Variants in ZNF385D observed in about 807,000 individuals in gnomAD.
ZNF385D encodes the protein zinc finger protein 659.
A neutral mutation model predicts 35.8 loss-of-function variants in ZNF385D; 15 were observed. The observed-to-expected ratio is 0.42, with a 90% CI of 0.28 to 0.64. The LOEUF is 0.64. ZNF385D is among the 30% of genes least tolerant of loss of function. ZNF385D has a pLI of 0.23. For missense variants in ZNF385D, 474 were observed against 494.6 expected (o/e 0.96, Z 0.39); for synonymous variants, 212 against 186.8 (o/e 1.13, Z -1.10).
At chr3:21,833,112 G>C (rs974339381) in intron 3 of ZNF385D, among the ~76,000 whole-genome samples, 1 of 152,032 alleles carries the variant, frequency 6.6e-6, no homozygotes, top group Non-Finnish European at 1.5e-5. Context: ...AGTACCTACT[G>C]TACCAGATAC....
intron 3 of ZNF385D, among the ~76,000 whole-genome samples, chr3:21,956,975 G>A (rs1215053430): frequency 3.9e-5 from 6 of 151,984 alleles, no homozygotes; most frequent in African/African-American, 7.2e-5. Flanking sequence ...ATTCCGACGT[G>A]TTGTGGGAGG....
intron 2 of ZNF385D, among the ~76,000 whole-genome samples, chr3:21,651,267 G>A (rs1330708980): frequency 4.6e-5 from 6 of 130,824 alleles, no homozygotes; most frequent in South Asian, 2.5e-4. Context: ...CAGCCTGGGC[G>A]ACAGAGCGAG....
At chr3:21,545,990 A>G (rs1051840392) in intron 3 of ZNF385D, among the ~76,000 whole-genome samples, 1 of 152,210 alleles carries the variant, frequency 6.6e-6, no homozygotes. Context: ...GCCTTTGTAG[A>G]AATAATTATT....
At chr3:22,215,925 T>C (rs1487365096) in intron 2 of ZNF385D, among the ~76,000 whole-genome samples, 2 of 152,002 alleles carry the variant, frequency 1.3e-5, no homozygotes, top group African/African-American at 2.4e-5. Flanking sequence ...ACTTAAGGAA[T>C]ATAGAAAAGA....
intron 1 of ZNF385D, among the ~76,000 whole-genome samples, chr3:21,750,643 T>C (rs528236819): frequency 7.2e-5 from 11 of 152,052 alleles, no homozygotes; most frequent in African/African-American, 2.7e-4. Context: ...AGGCAAAGTT[T>C]ACCCCCCCGC....
chr3:21,890,613 C>A (rs571970965), intron 3 of ZNF385D, among the ~76,000 whole-genome samples: 3 of 151,394 alleles, frequency 2.0e-5, no homozygotes, highest in Non-Finnish European at 4.4e-5. Flanking sequence ...AGTGAGACTC[C>A]GTCTCAGAAA....
At chr3:21,728,068 T>C (rs1200211519) in intron 1 of ZNF385D, among the ~76,000 whole-genome samples, 1 of 152,028 alleles carries the variant, frequency 6.6e-6, no homozygotes, top group Admixed American at 6.6e-5. Flanking sequence ...TTCTCACTCA[T>C]ACGTGGGAGT....
rs146206316 is a variant in ZNF385D, at chr3:21,954,195, C to T, written c.325+214622G>A. On this transcript the variant is annotated intron_variant, in intron 3 of 5. Transcript: ENST00000494108. ...TGTGTTAATAATTCTCTCTGTACCT[C>T]AGTTTCTTTGCTGTAACAAGGGTCT... 6.2e-3 allele frequency among the ~76,000 whole-genome samples: 945 copies of T among 151,876 alleles called. 8 individuals carry two copies. The highest frequency in any genetic ancestry group is 0.021 in the African/African-American group (853 of 41,476).
rs919352337 is a variant in ZNF385D at position 22,122,854 on chromosome 3, A to G, written c.325+45963T>C. Among the ~76,000 whole-genome samples the G allele has an allele frequency of 1.2e-4, 19 of 152,192 alleles. 1 individual carries two copies. Among genetic ancestry groups the G allele is most frequent in the Admixed American group, 1.2e-3 (18 of 15,264 alleles). ...ATGCAAAGGCCCTGATGTAGAAATC[A>G]AGCTTCCTTTGCATTGGCAAAAGAT... On this transcript the variant is annotated intron_variant, in intron 3 of 5. Transcript: ENST00000494108.
In ZNF385D at chr3:22,351,774, C is replaced by A. The variant is rs538624244; in HGVS notation, c.106+20676G>T. ...AGTAATAGTACTATCATGGGTTTCA[C>A]AAAATTCATAATCCAGAGATCTGAA... On this transcript the variant is annotated intron_variant, in intron 2 of 5. Coordinates refer to the ZNF385D transcript ENST00000494108. Among the ~76,000 whole-genome samples the A allele has an allele frequency of 2.6e-5, 4 of 152,210 alleles. No homozygotes were observed. In the East Asian group the frequency reaches 5.8e-4, roughly 22 times the overall value.
At chr3:21,847,364 A>C (rs1696078999) in intron 3 of ZNF385D, among the ~76,000 whole-genome samples, 1 of 151,608 alleles carries the variant, frequency 6.6e-6, no homozygotes, top group South Asian at 2.1e-4. Flanking sequence ...CTGATCTACT[A>C]TCACGATATC....
At chr3:21,810,681 T>C (rs1245855490) in intron 3 of ZNF385D, among the ~76,000 whole-genome samples, 1 of 152,042 alleles carries the variant, frequency 6.6e-6, no homozygotes. Context: ...AAATGTACCT[T>C]GTTTTAAAGT....
At chr3:21,883,097 C>T (rs1698361812) in intron 3 of ZNF385D, among the ~76,000 whole-genome samples, 1 of 151,816 alleles carries the variant, frequency 6.6e-6, no homozygotes, top group Non-Finnish European at 1.5e-5. Context: ...ACTAAGAAAA[C>T]AACACATATC....
chr3:22,069,772 A>G (rs978677480), intron 3 of ZNF385D, among the ~76,000 whole-genome samples: 5 of 152,170 alleles, frequency 3.3e-5, no homozygotes, highest in African/African-American at 9.7e-5. Context: ...GGACTCCTCC[A>G]CATGGCCCTA....
intron 3 of ZNF385D, among the ~76,000 whole-genome samples, chr3:21,548,839 A>G (rs548770920): frequency 6.6e-6 from 1 of 152,300 alleles, no homozygotes; most frequent in South Asian, 2.1e-4. Context: ...TAGGAGCCCT[A>G]TTTCTTGTCC....
chr3:22,098,427 GA>G (rs1284747053), intron 3 of ZNF385D, among the ~76,000 whole-genome samples: 6 of 152,182 alleles, frequency 3.9e-5, no homozygotes, highest in Admixed American at 3.3e-4. Flanking sequence ...GCATTTGGGA[GA>G]GGGGAAGATT....
At chr3:22,338,562 A>G (rs1695274389) in intron 2 of ZNF385D, among the ~76,000 whole-genome samples, 1 of 152,156 alleles carries the variant, frequency 6.6e-6, no homozygotes, top group Non-Finnish European at 1.5e-5. Context: ...TTTAACATAA[A>G]TAGCTCTAGA....
chr3:21,661,765 GTC>G (rs575601940), intron 2 of ZNF385D, among the ~76,000 whole-genome samples: 3 of 152,190 alleles, frequency 2.0e-5, no homozygotes, highest in African/African-American at 7.2e-5. Flanking sequence ...GATCCTGATA[GTC>G]TCATTGAATG....
At chr3:21,575,362 T>G (rs529615933) in intron 2 of ZNF385D, among the ~76,000 whole-genome samples, 17 of 152,218 alleles carry the variant, frequency 1.1e-4, no homozygotes, top group African/African-American at 4.1e-4. Flanking sequence ...TATACACAAG[T>G]TCATTTAACA....
Sources: allele counts gnomAD v4.1 joint callset (sites outside exome capture counted in the v4.1 genomes callset), GRCh38; gene constraint gnomAD v4.1.1; transcripts MANE v1.5; gene names NCBI Gene and HGNC (gene_info 2026-07-23, HGNC 2026-07-21).